SPATA1: variants seen among roughly 807,000 people sequenced by gnomAD.
SPATA1 encodes spermatogenesis-associated protein 1.
In SPATA1, 57 loss-of-function variants were observed where a neutral mutation model predicts 59.6. The ratio of observed to expected loss-of-function variants is 0.96; its 90% confidence interval spans 0.77 to 1.19. The LOEUF is 1.19. SPATA1 is among the 50% of genes most tolerant of loss of function. The probability of loss-of-function intolerance (pLI) is 0.00; values close to 1 mark genes in which losing one functional copy is unlikely to be tolerated. For missense variants in SPATA1, 448 were observed against 480.7 expected (o/e 0.93, Z 0.64); for synonymous variants, 147 against 163.9 (o/e 0.90, Z 0.79).
chr1:84,561,160 T>G (rs2994955), intron 4 of SPATA1, among the ~76,000 whole-genome samples: 47,333 of 152,016 alleles, frequency 0.31, 8,144 homozygotes, highest in African/African-American at 0.45. Flanking sequence ...TAGATGCCAT[T>G]AAGAACATTC....
Position 84,522,934 on chromosome 1 carries a change from G to A in SPATA1, c.261+427G>A, listed in dbSNP as rs764071702. 8.0e-5 allele frequency among the ~76,000 whole-genome samples: 12 copies of A among 149,282 alleles called. No individual in the cohort carries two copies. In the South Asian group the frequency reaches 1.1e-3, roughly 13 times the overall value. ...AACTTTTTTTTTTTTTTTCCGAGACGGAGTCTTGCTCTGTCACCCTGGCTA... is the reference window on the plus strand; with the variant it reads ...AACTTTTTTTTTTTTTTTCCGAGACAGAGTCTTGCTCTGTCACCCTGGCTA... On this transcript the variant is annotated intron_variant, in intron 4 of 12. Transcript: ENST00000490879.
At chr1:84,530,002 ACACG>A (rs2101964089) in intron 6 of SPATA1, among the ~76,000 whole-genome samples, 1 of 152,020 alleles carries the variant, frequency 6.6e-6, no homozygotes, top group African/African-American at 2.4e-5. Flanking sequence ...GACTACAGGC[ACACG>A]CAGCCATGCC....
intron 4 of SPATA1, among the ~76,000 whole-genome samples, chr1:84,562,286 C>T (rs1332129909): frequency 1.3e-5 from 2 of 152,148 alleles, no homozygotes; most frequent in African/African-American, 4.8e-5. Context: ...GTTCCCAGGA[C>T]AGACTAATAT....
chr1:84,532,881 A>G, exon 7 of SPATA1: 1 of 1,551,882 alleles, frequency 6.4e-7, no homozygotes, highest in Non-Finnish European at 8.7e-7. Context: ...GCCACTGCAG[A>G]AAAAAGCCAA....
intron 8 of SPATA1, among the ~76,000 whole-genome samples, chr1:84,541,297 T>C (rs1683890913): frequency 6.6e-6 from 1 of 150,404 alleles, no homozygotes; most frequent in South Asian, 2.1e-4. Flanking sequence ...TAATTTTAAA[T>C]AGATCTGTTT....
At chr1:84,532,607 G>A (rs902100150) in intron 6 of SPATA1, among the ~76,000 whole-genome samples, 15 of 152,170 alleles carry the variant, frequency 9.9e-5, no homozygotes, top group African/African-American at 3.4e-4. Context: ...TGTGTAGGGG[G>A]TTGTGTTGCT....
intron 6 of SPATA1, among the ~76,000 whole-genome samples, chr1:84,526,521 T>G (rs1683231824): frequency 6.6e-6 from 1 of 152,132 alleles, no homozygotes; most frequent in South Asian, 2.1e-4. Flanking sequence ...TTTTAAATTT[T>G]TTATCTGATT....
At chr1:84,524,519 T>C (rs779825959) in intron 4 of SPATA1, among the ~76,000 whole-genome samples, 62 of 152,138 alleles carry the variant, frequency 4.1e-4, no homozygotes, top group Non-Finnish European at 4.0e-4. Context: ...AGGCAAGAGA[T>C]AATAAGGGCC....
chr1:84,562,773 T>A (rs1684618574), intron 4 of SPATA1, among the ~76,000 whole-genome samples: 1 of 152,228 alleles, frequency 6.6e-6, no homozygotes, highest in Non-Finnish European at 1.5e-5. Flanking sequence ...CTTTATAATT[T>A]AATTATAAAA....
chr1:84,558,081 C>T (rs988933815), downstream of SPATA1, among the ~76,000 whole-genome samples: 3 of 152,060 alleles, frequency 2.0e-5, no homozygotes, highest in African/African-American at 7.2e-5. Flanking sequence ...TACAAGAAAT[C>T]TACTGTATCC....
At chr1:84,559,415 G>A (rs1197686896), downstream of SPATA1, among the ~76,000 whole-genome samples, 3 of 152,142 alleles carry the variant, frequency 2.0e-5, no homozygotes, top group Non-Finnish European at 4.4e-5. Context: ...GAAGTCAGGA[G>A]TTTCAAACCA....
At chr1:84,524,690 T>G (rs140708587) in intron 4 of SPATA1, among the ~76,000 whole-genome samples, 49 of 152,336 alleles carry the variant, frequency 3.2e-4, no homozygotes, top group African/African-American at 1.2e-3. Flanking sequence ...GATTTTCACA[T>G]AGCTGGCTGT....
intron 10 of SPATA1, among the ~76,000 whole-genome samples, chr1:84,546,486 T>C (rs1285518944): frequency 6.9e-6 from 1 of 145,660 alleles, no homozygotes; most frequent in African/African-American, 2.5e-5. Flanking sequence ...AAAAACTTGA[T>C]GAAAACTATG....
intron 1 of SPATA1, 128 bp from the exon 2 acceptor site, chr1:84,516,093 TAC>T (rs1346926198): frequency 3.1e-6 from 1 of 325,536 alleles, no homozygotes; most frequent in South Asian, 8.5e-5. Context: ...CTCATTTTAT[TAC>T]ACAGTCCTAT....
At chr1:84,521,560 T>G (rs1478280485) in intron 3 of SPATA1, among the ~76,000 whole-genome samples, 1 of 152,156 alleles carries the variant, frequency 6.6e-6, no homozygotes, top group Admixed American at 6.6e-5. Flanking sequence ...TTTACTCACA[T>G]ATTACCTTTT....
chr1:84,544,349 A>G, intron 9 of SPATA1, 45 bp downstream of exon 9: 2 of 1,415,522 alleles, frequency 1.4e-6, no homozygotes, highest in Non-Finnish European at 1.9e-6. Context: ...TGTGAGGTAA[A>G]GTAAATAATG....
chr1:84,548,840 T>C, exon 11 of SPATA1: 2 of 1,547,682 alleles, frequency 1.3e-6, no homozygotes, highest in South Asian at 1.1e-5. Flanking sequence ...ACAGCATCAA[T>C]GGAGGAGGTT....
intron 4 of SPATA1, chr1:84,563,601 GAAGT>G (rs1684634483): frequency 6.1e-6 from 4 of 650,876 alleles, no homozygotes; most frequent in Middle Eastern, 4.7e-4. Flanking sequence ...AGCTTTCATA[GAAGT>G]AAAAATAAAT....
intron 1 of SPATA1, among the ~76,000 whole-genome samples, chr1:84,511,679 C>CTT (rs1310907189): frequency 7.4e-4 from 50 of 67,584 alleles, no homozygotes; most frequent in Non-Finnish European, 1.1e-3. Context: ...TTCTTTCTTT[C>CTT]TTTTTTTTTT....
Sources: allele counts gnomAD v4.1 joint callset (sites outside exome capture counted in the v4.1 genomes callset), GRCh38; gene constraint gnomAD v4.1.1; transcripts MANE v1.5; gene names NCBI Gene and HGNC (gene_info 2026-07-23, HGNC 2026-07-21).